Variants in LIMK2 observed in about 807,000 individuals in gnomAD.
LIMK2 encodes the protein LIM domain kinase 2.
LIMK2 carries 35 observed loss-of-function variants against 75.7 expected under a neutral mutation model. The observed-to-expected ratio is 0.46, with a 90% confidence interval of 0.35 to 0.61. The LOEUF (loss-of-function observed/expected upper bound fraction) is 0.61. Among genes scored for constraint, LIMK2 ranks in the 20% least tolerant of loss-of-function variants. The probability of loss-of-function intolerance (pLI) is 0.00; values close to 1 mark genes in which losing one functional copy is unlikely to be tolerated. For missense variants in LIMK2, 623 were observed against 831.0 expected (o/e 0.75, Z 3.08); for synonymous variants, 301 against 319.2 (o/e 0.94, Z 0.61).
intron 11 of LIMK2, among the ~76,000 whole-genome samples, chr22:31,269,034 TTTTG>T (rs146064485): frequency 0.07 from 10,606 of 150,886 alleles, 441 homozygotes; most frequent in Admixed American, 0.16. Flanking sequence ...TTTTTGGTTT[TTTTG>T]TTTGTTTGTT....
At chr22:31,248,369 A>G (rs2048690444) in intron 2 of LIMK2, 1 of 1,287,182 alleles carries the variant, frequency 7.8e-7, no homozygotes, top group African/African-American at 1.5e-5. Context: ...ACTTGACAGC[A>G]GCGCTTCTTT....
Position 31,267,794 on chromosome 22 carries a change from C to T in LIMK2, c.1147C>T (p.Leu383=), listed in dbSNP as rs1244482994. The change falls in exon 10 of 16, where the codon CTG becomes TTG. Residue 383 remains leucine, a synonymous_variant. Transcript: ENST00000331728. ...CCCCCAGGTGAAAGTGATGCGCAGC[C>T]TGGACCACCCCAATGTGCTCAAGTT... The part of the protein sequence containing the change: ...FLTEVKVMRS[L]DHPNVLKFIG... 1.2e-6 allele frequency: 2 copies of T among 1,604,424 alleles called. No homozygotes were observed. Among genetic ancestry groups the T allele is most frequent in the East Asian group, 2.2e-5 (1 of 44,780 alleles).
At chr22:31,253,500 C>G (rs1416063776) in intron 2 of LIMK2, among the ~76,000 whole-genome samples, 2 of 152,212 alleles carry the variant, frequency 1.3e-5, no homozygotes, top group Admixed American at 6.5e-5. Context: ...ATTTAACATT[C>G]AGTACTTGGG....
intron 7 of LIMK2, among the ~76,000 whole-genome samples, chr22:31,263,207 C>A (rs1209643334): frequency 1.3e-5 from 2 of 152,096 alleles, no homozygotes. Flanking sequence ...CTTGAGGGAC[C>A]AACAACCCCC....
intron 2 of LIMK2, among the ~76,000 whole-genome samples, chr22:31,236,515 G>A (rs2048576099): frequency 6.7e-6 from 1 of 149,368 alleles, no homozygotes; most frequent in Non-Finnish European, 1.5e-5. Context: ...AGGCTGAGGC[G>A]AGAGGATTGC....
rs566608043 is a variant in LIMK2 at position 31,264,688 on chromosome 22, C to T, written c.855-1258C>T. ...CTGTAATCCCAGCACATTGGGAGGC[C>T]GAGGCGGGCAAATCACTTGAGGTCA... On this transcript the variant is annotated intron_variant, in intron 7 of 15. Coordinates refer to ENST00000331728, the MANE Select transcript of LIMK2 (RefSeq NM_005569.4). 6.5e-4 allele frequency among the ~76,000 whole-genome samples: 98 copies of T among 151,840 alleles called. 1 individual carries two copies. The highest frequency in any genetic ancestry group is 7.8e-4 in the Non-Finnish European group (53 of 67,936).
chr22:31,215,091 C>G (rs2048379683), intron 1 of LIMK2, among the ~76,000 whole-genome samples: 1 of 152,196 alleles, frequency 6.6e-6, no homozygotes, highest in Admixed American at 6.5e-5. Context: ...GCCACCATGC[C>G]CAGCCAAGTA....
chr22:31,223,837 G>A (rs1302827711), intron 1 of LIMK2, among the ~76,000 whole-genome samples: 1 of 152,188 alleles, frequency 6.6e-6, no homozygotes, highest in Non-Finnish European at 1.5e-5. Flanking sequence ...TATTACTGAG[G>A]CATGAGAAGA....
At chr22:31,235,602 A>G (rs1285470593) in intron 2 of LIMK2, among the ~76,000 whole-genome samples, 3 of 152,224 alleles carry the variant, frequency 2.0e-5, no homozygotes, top group Admixed American at 2.0e-4. Flanking sequence ...CTGATTATGA[A>G]TTGCCCTGAA....
chr22:31,277,609 T>TA (rs950170280), intron 15 of LIMK2: 6 of 893,746 alleles, frequency 6.7e-6, no homozygotes, highest in African/African-American at 3.6e-5. Context: ...TAAATATCTT[T>TA]AATTTATTAA....
intron 1 of LIMK2, among the ~76,000 whole-genome samples, chr22:31,218,164 A>G (rs865830601): frequency 1.3e-5 from 2 of 152,208 alleles, no homozygotes; most frequent in African/African-American, 4.8e-5. Flanking sequence ...CATTATTTCT[A>G]TTAATCCACT....
rs369277400 is a variant in LIMK2, at chr22:31,218,470, CT to C, written c.16+6050del. 1.2e-3 allele frequency among the ~76,000 whole-genome samples: 184 copies of C among 152,312 alleles called. 1 individual carries two copies. Among genetic ancestry groups the C allele is most frequent in the African/African-American group, 4.2e-3 (176 of 41,564 alleles). On this transcript the variant is annotated intron_variant, in intron 1 of 15. Transcript: ENST00000331728. Reference sequence around the variant, plus strand: ...GCTGGAAGAAATCACTTGATCCCTCCTTTTACAAAAGAACAATCCAAGGTTT... The same window carrying C: ...GCTGGAAGAAATCACTTGATCCCTCCTTTACAAAAGAACAATCCAAGGTTT...
chr22:31,212,426 TAAGG>T lies in LIMK2; in HGVS notation c.16+7_16+10del, dbSNP rs778907587. 1 of 1,334,186 alleles carries T rather than the reference TAAGG, an allele frequency of 7.5e-7. No individual in the cohort carries two copies. Among genetic ancestry groups the T allele is most frequent in the East Asian group, 2.8e-5 (1 of 36,002 alleles). 82.6% of individuals were successfully genotyped at this position (1,334,186 alleles called of 1,614,324 possible). A position where few individuals can be genotyped will look rare whatever the true frequency, so the allele number is the denominator to read the frequency against. ...CCGGGACCATGTCCGCGCTGGCGGG[TAAGG>T]AAGGGCTGCTCCGCCCTGTCCCGCT... On this transcript the variant is annotated splice_donor_5th_base_variant and intron_variant, in intron 1 of 15. Coordinates refer to ENST00000331728, the MANE Select transcript of LIMK2 (RefSeq NM_005569.4).
At chr22:31,240,726 A>G (rs1321636709) in intron 2 of LIMK2, among the ~76,000 whole-genome samples, 1 of 152,012 alleles carries the variant, frequency 6.6e-6, no homozygotes, top group Non-Finnish European at 1.5e-5. Context: ...CTGGCCTAGA[A>G]TCACCTTTTT....
chr22:31,238,127 A>AC (rs2048595344), intron 2 of LIMK2, among the ~76,000 whole-genome samples: 1 of 151,674 alleles, frequency 6.6e-6, no homozygotes, highest in Non-Finnish European at 1.5e-5. Context: ...AAAAAAAAAA[A>AC]AAAAACCAAA....
intron 2 of LIMK2, among the ~76,000 whole-genome samples, chr22:31,246,179 G>GCACACACACA (rs1341395963): frequency 3.3e-3 from 232 of 69,792 alleles, no homozygotes; most frequent in Admixed American, 9.5e-3. Flanking sequence ...ACACACGCAC[G>GCACACACACA]CACGCACACA....
rs1377577474 is a variant in LIMK2 at position 31,267,765 on chromosome 22, C to T, written c.1129-11C>T. 3 of 1,580,302 alleles carry T rather than the reference C, an allele frequency of 1.9e-6. No homozygotes were observed. The highest frequency in any genetic ancestry group is 1.9e-5 in the Admixed American group (1 of 52,416). ...TAACCACCAGCTTTCCTTGGCTTCC[C>T]CCACCCCCAGGTGAAAGTGATGCGC... On this transcript the variant is annotated splice_polypyrimidine_tract_variant and intron_variant, in intron 9 of 15. Transcript: ENST00000331728.
intron 15 of LIMK2, chr22:31,277,739 G>A (rs1800090722): frequency 6.2e-6 from 1 of 160,678 alleles, no homozygotes. Flanking sequence ...TTCTAGCATG[G>A]TATCTACTGT....
At chr22:31,261,896 G>A (rs1025611051) in intron 5 of LIMK2, among the ~76,000 whole-genome samples, 2 of 152,210 alleles carry the variant, frequency 1.3e-5, no homozygotes, top group African/African-American at 4.8e-5. Context: ...GAGAGATGAG[G>A]GAACTCCAGA....
Sources: allele counts gnomAD v4.1 joint callset (sites outside exome capture counted in the v4.1 genomes callset), GRCh38; gene constraint gnomAD v4.1.1; transcripts MANE v1.5; gene names NCBI Gene and HGNC (gene_info 2026-07-23, HGNC 2026-07-21).